The following PARD3B variants were observed in gnomAD, a reference collection of about 807,000 sequenced individuals.
PARD3B encodes the protein par-3 family cell polarity regulator beta.
Under a neutral mutation model 130.2 loss-of-function variants are expected in PARD3B, and 103 were observed. That is an observed-to-expected ratio of 0.79 (90% confidence interval 0.67 to 0.93). The LOEUF (loss-of-function observed/expected upper bound fraction) is 0.93. Among genes scored for constraint, PARD3B ranks in the 40% least tolerant of loss-of-function variants. PARD3B has a pLI of 0.00. For missense variants in PARD3B, 1,609 were observed against 1,499.2 expected (o/e 1.07, Z -1.21); for synonymous variants, 583 against 553.2 (o/e 1.05, Z -0.76).
intron 2 of PARD3B, among the ~76,000 whole-genome samples, chr2:204,934,368 T>C (rs541655020): frequency 9.2e-5 from 14 of 152,228 alleles, no homozygotes; most frequent in Non-Finnish European, 1.9e-4. Flanking sequence ...TGATGAACAC[T>C]GCTAGTTTCG....
At chr2:205,382,941 C>T (rs1028671149) in intron 18 of PARD3B, among the ~76,000 whole-genome samples, 3 of 151,870 alleles carry the variant, frequency 2.0e-5, no homozygotes, top group East Asian at 1.9e-4. Context: ...ATAGGTTCCC[C>T]GCCACAGCCC....
rs1356690546 is a variant in PARD3B, at chr2:204,563,214, G to GCTCTCTCT, written c.120+17097_120+17098insCTCTCTCT. Among the ~76,000 whole-genome samples, 10 of 55,014 alleles carry GCTCTCTCT rather than the reference G, an allele frequency of 1.8e-4. 1 individual carries two copies. The Admixed American group carries it at 2.3e-3, about 12-fold the overall frequency. The allele number at this position is 55,014 out of a possible 152,430, so 36.1% of individuals were successfully genotyped here. On this transcript the variant is annotated intron_variant, in intron 1 of 22. Coordinates refer to ENST00000406610, the MANE Select transcript of PARD3B (RefSeq NM_001302769.2). ...CTCCGTTTTTACATGCCGTCTTCCCGCTGTCTCTCTCTCTCTCTCTCTCTC... is the reference window on the plus strand; with the variant it reads ...CTCCGTTTTTACATGCCGTCTTCCCGCTCTCTCTCTGTCTCTCTCTCTCTCTCTCTCTC...
chr2:204,792,956 CAGCTGGTAACA>C (rs2042248096), intron 2 of PARD3B, among the ~76,000 whole-genome samples: 1 of 151,610 alleles, frequency 6.6e-6, no homozygotes, highest in Admixed American at 6.6e-5. Flanking sequence ...ACTTCACCAA[CAGCTGGTAACA>C]AGCAGAATCA....
At chr2:205,247,729 G>A (rs1395034015) in intron 16 of PARD3B, among the ~76,000 whole-genome samples, 1 of 152,108 alleles carries the variant, frequency 6.6e-6, no homozygotes, top group East Asian at 1.9e-4. Flanking sequence ...GATAACTTTG[G>A]AGCAAAAGTG....
chr2:205,252,554 A>G (rs1220527135), intron 16 of PARD3B, among the ~76,000 whole-genome samples: 1 of 152,174 alleles, frequency 6.6e-6, no homozygotes, highest in Admixed American at 6.5e-5. Flanking sequence ...CGATACAGAA[A>G]AGGTCAATGA....
chr2:205,218,432 A>G (rs2038065095), intron 15 of PARD3B, among the ~76,000 whole-genome samples: 2 of 152,332 alleles, frequency 1.3e-5, no homozygotes, highest in Middle Eastern at 3.4e-3. Flanking sequence ...CAATTTTAGT[A>G]ATTATTACAC....
At chr2:205,123,439 A>C (rs879285310) in intron 8 of PARD3B, among the ~76,000 whole-genome samples, 4 of 151,982 alleles carry the variant, frequency 2.6e-5, no homozygotes, top group Non-Finnish European at 5.9e-5. Flanking sequence ...AGCCATAGAG[A>C]TTTAGGTCTC....
intron 1 of PARD3B, among the ~76,000 whole-genome samples, chr2:204,546,606 G>C (rs569244847): frequency 1.3e-5 from 2 of 152,174 alleles, no homozygotes; most frequent in Non-Finnish European, 1.5e-5. Flanking sequence ...ACAACTGATG[G>C]GGCCTTTGGA....
intron 2 of PARD3B, among the ~76,000 whole-genome samples, chr2:204,730,307 G>A (rs565919516): frequency 6.6e-6 from 1 of 152,072 alleles, no homozygotes; most frequent in Admixed American, 6.6e-5. Flanking sequence ...GACCTCAGAT[G>A]ATCTGCCCAT....
chr2:204,820,414 A>G (rs76522735), intron 2 of PARD3B, among the ~76,000 whole-genome samples: 3,904 of 152,046 alleles, frequency 0.026, 77 homozygotes, highest in South Asian at 0.074. Context: ...ACAGCTCTCT[A>G]TTGGAGGAAG....
chr2:205,134,068 C>T (rs998230025), intron 10 of PARD3B, among the ~76,000 whole-genome samples: 3 of 152,096 alleles, frequency 2.0e-5, no homozygotes, highest in Non-Finnish European at 4.4e-5. Context: ...CCAGCATCCA[C>T]CCTTTTACTA....
At chr2:205,329,416 G>A (rs2043037641) in intron 18 of PARD3B, among the ~76,000 whole-genome samples, 1 of 152,170 alleles carries the variant, frequency 6.6e-6, no homozygotes, top group South Asian at 2.1e-4. Context: ...TAAGACATTA[G>A]CACATGCCAT....
rs1169528500 is a variant in PARD3B at position 205,276,552 on chromosome 2, C to T, written c.2186-23978C>T. Among the ~76,000 whole-genome samples the T allele has an allele frequency of 3.3e-5, 5 of 152,088 alleles. No homozygotes were observed. Among genetic ancestry groups the T allele is most frequent in the Non-Finnish European group, 7.4e-5 (5 of 68,020 alleles). ...AGGAGCTAGGCGGGGCCTTCGGGAG[C>T]GGGAGCAGCACCCACCATCTCACAA... On this transcript the variant is annotated intron_variant, in intron 16 of 22. Transcript: ENST00000406610. This position sits in a 1 kb window ranked among gnomAD's most constrained non-coding sequence, Gnocchi z 5.0.
chr2:204,652,969 A>G (rs2035531696), intron 1 of PARD3B, among the ~76,000 whole-genome samples: 1 of 151,064 alleles, frequency 6.6e-6, no homozygotes, highest in Admixed American at 6.6e-5. Flanking sequence ...GTCTGCCCCC[A>G]TTATTCAATC....
At chr2:204,554,537 C>G (rs2030782945) in intron 1 of PARD3B, among the ~76,000 whole-genome samples, 1 of 151,958 alleles carries the variant, frequency 6.6e-6, no homozygotes, top group African/African-American at 2.4e-5. Flanking sequence ...TGACTCTGCT[C>G]TCATACTAGA....
intron 1 of PARD3B, among the ~76,000 whole-genome samples, chr2:204,546,674 C>G (rs763425421): frequency 2.2e-4 from 33 of 152,180 alleles, no homozygotes; most frequent in Non-Finnish European, 4.6e-4. Context: ...CAGGTGGGAG[C>G]ATGCTGTTTG....
chr2:205,076,050 T>G (rs990589019), intron 4 of PARD3B, among the ~76,000 whole-genome samples: 3 of 152,160 alleles, frequency 2.0e-5, no homozygotes, highest in African/African-American at 7.2e-5. Flanking sequence ...ATCCTGTGTC[T>G]TATGAGAACT....
At chr2:204,958,949 A>G (rs1690513658) in intron 2 of PARD3B, among the ~76,000 whole-genome samples, 1 of 152,134 alleles carries the variant, frequency 6.6e-6, no homozygotes, top group Non-Finnish European at 1.5e-5. Flanking sequence ...TAAATTATCC[A>G]AAGTTCTTTT....
intron 2 of PARD3B, among the ~76,000 whole-genome samples, chr2:204,941,634 G>A (rs780134895): frequency 6.6e-6 from 1 of 152,124 alleles, no homozygotes; most frequent in Non-Finnish European, 1.5e-5. Context: ...GTGCTGTAGG[G>A]TTTCCAATGT....
Sources: allele counts gnomAD v4.1 joint callset (sites outside exome capture counted in the v4.1 genomes callset), GRCh38; gene constraint gnomAD v4.1.1; non-coding constraint Gnocchi (gnomAD v3.1); transcripts MANE v1.5; gene names NCBI Gene and HGNC (gene_info 2026-07-23, HGNC 2026-07-21).